The following ZNF827 variants were observed in gnomAD, a reference collection of about 807,000 sequenced individuals.
ZNF827 encodes zinc finger protein 827.
In ZNF827, 13 loss-of-function variants were observed where a neutral mutation model predicts 102.4. The observed-to-expected ratio is 0.13, with a 90% CI of 0.08 to 0.20. The LOEUF is 0.20. ZNF827 is among the 10% of genes least tolerant of loss of function. ZNF827 has a pLI of 1.00. For missense variants in ZNF827, 1,103 were observed against 1,344.4 expected (o/e 0.82, Z 2.81); for synonymous variants, 523 against 536.2 (o/e 0.98, Z 0.34).
intron 1 of ZNF827, among the ~76,000 whole-genome samples, chr4:145,918,792 A>G (rs779883549): frequency 6.6e-6 from 1 of 152,186 alleles, no homozygotes; most frequent in Non-Finnish European, 1.5e-5. Context: ...GGAGCTCTCC[A>G]TAAAGACAAG....
intron 7 of ZNF827, among the ~76,000 whole-genome samples, chr4:145,842,092 T>C (rs900446741): frequency 6.6e-6 from 1 of 152,210 alleles, no homozygotes; most frequent in Non-Finnish European, 1.5e-5. Flanking sequence ...CTTCTGTATA[T>C]GTTTGAAATT....
intron 5 of ZNF827, among the ~76,000 whole-genome samples, chr4:145,859,948 G>C (rs756637324): frequency 3.9e-5 from 6 of 152,194 alleles, no homozygotes; most frequent in Non-Finnish European, 8.8e-5. Context: ...CAAATGTAGT[G>C]GGATCTAGCA....
chr4:145,821,375 C>T (rs1359634896), intron 8 of ZNF827, among the ~76,000 whole-genome samples: 1 of 152,098 alleles, frequency 6.6e-6, no homozygotes, highest in African/African-American at 2.4e-5. Flanking sequence ...TAAAAGTCTC[C>T]ACACCGTTAA....
chr4:145,906,267 A>G (rs1751864409), intron 1 of ZNF827, among the ~76,000 whole-genome samples: 1 of 152,158 alleles, frequency 6.6e-6, no homozygotes, highest in Non-Finnish European at 1.5e-5. Context: ...CCCGCTTTCC[A>G]TTCCCCCATC....
At chr4:145,862,412 T>C (rs1453388112) in intron 5 of ZNF827, among the ~76,000 whole-genome samples, 1 of 152,252 alleles carries the variant, frequency 6.6e-6, no homozygotes, top group East Asian at 1.9e-4. Flanking sequence ...TGTTCCCTGT[T>C]TGTGTAACAT....
At chr4:145,856,457 A>G (rs1304819021) in intron 5 of ZNF827, among the ~76,000 whole-genome samples, 1 of 152,168 alleles carries the variant, frequency 6.6e-6, no homozygotes, top group East Asian at 1.9e-4. Context: ...GGGCTTGCCC[A>G]TGGGTGCTGC....
intron 1 of ZNF827, among the ~76,000 whole-genome samples, chr4:145,911,592 TATTC>T (rs1251121858): frequency 6.6e-6 from 1 of 152,186 alleles, no homozygotes; most frequent in Admixed American, 6.5e-5. Flanking sequence ...TATCAAAAAC[TATTC>T]ATTATACTTG....
intron 1 of ZNF827, among the ~76,000 whole-genome samples, chr4:145,916,100 G>C (rs1213580355): frequency 2.0e-5 from 3 of 152,210 alleles, no homozygotes; most frequent in African/African-American, 7.2e-5. Context: ...GTTCATCCAA[G>C]GGTTGGTCTT....
intron 1 of ZNF827, among the ~76,000 whole-genome samples, chr4:145,922,010 T>C (rs1196700476): frequency 2.6e-5 from 4 of 152,214 alleles, no homozygotes; most frequent in Admixed American, 2.0e-4. Flanking sequence ...CCAACAGATA[T>C]ACAGTATAAT....
At chr4:145,927,870 C>G (rs1753543890) in intron 1 of ZNF827, among the ~76,000 whole-genome samples, 1 of 152,212 alleles carries the variant, frequency 6.6e-6, no homozygotes, top group South Asian at 2.1e-4. Context: ...ATAATACAAA[C>G]AGAAGGTTTG....
chr4:145,906,820 C>T (rs893697851), intron 1 of ZNF827, among the ~76,000 whole-genome samples: 1 of 152,190 alleles, frequency 6.6e-6, no homozygotes, highest in Non-Finnish European at 1.5e-5. Context: ...ACCATCCATC[C>T]CTCTGTTGTT....
intron 3 of ZNF827, among the ~76,000 whole-genome samples, chr4:145,890,946 T>G (rs1242457334): frequency 6.6e-6 from 1 of 152,342 alleles, no homozygotes; most frequent in African/African-American, 2.4e-5. Flanking sequence ...CTAAAGTCAG[T>G]AGAGGTTCTA....
At chr4:145,868,486 C>A (rs150653823) in intron 5 of ZNF827, among the ~76,000 whole-genome samples, 1 of 152,284 alleles carries the variant, frequency 6.6e-6, no homozygotes, top group Non-Finnish European at 1.5e-5. Context: ...AACCCCATAG[C>A]ACATGTGCTC....
At chr4:145,920,642 G>A (rs987854455) in intron 1 of ZNF827, among the ~76,000 whole-genome samples, 1 of 152,220 alleles carries the variant, frequency 6.6e-6, no homozygotes, top group Non-Finnish European at 1.5e-5. Flanking sequence ...AAGACAGCAG[G>A]AGATGGTCTC....
intron 5 of ZNF827, among the ~76,000 whole-genome samples, chr4:145,867,357 G>A (rs1748302359): frequency 6.6e-6 from 1 of 152,182 alleles, no homozygotes; most frequent in African/African-American, 2.4e-5. Flanking sequence ...TGTCAATTTG[G>A]AAAACAATAT....
chr4:145,790,500 A>C (rs1739520553), intron 8 of ZNF827, among the ~76,000 whole-genome samples: 1 of 152,214 alleles, frequency 6.6e-6, no homozygotes, highest in South Asian at 2.1e-4. Flanking sequence ...TGTGCTATGC[A>C]TCACACCTAT....
intron 8 of ZNF827, among the ~76,000 whole-genome samples, chr4:145,810,338 A>G (rs933804670): frequency 6.6e-6 from 1 of 152,180 alleles, no homozygotes; most frequent in African/African-American, 2.4e-5. Context: ...GAGATTATTC[A>G]TTATGGCTCC....
intron 5 of ZNF827, among the ~76,000 whole-genome samples, chr4:145,856,985 G>GCATA (rs1553999802): frequency 7.1e-6 from 1 of 140,040 alleles, no homozygotes; most frequent in Non-Finnish European, 1.6e-5. Context: ...GCACGCGCAC[G>GCATA]CACACACACA....
chr4:145,889,528 C>T (rs1750413649), intron 3 of ZNF827, among the ~76,000 whole-genome samples: 1 of 148,766 alleles, frequency 6.7e-6, no homozygotes, highest in Admixed American at 6.7e-5. Context: ...AGTTTGAGAT[C>T]TTAATCTCTG....
Sources: gnomAD v4.1 joint callset for allele counts (sites outside exome capture counted in the v4.1 genomes callset) on GRCh38, gnomAD v4.1.1 for gene constraint, MANE v1.5 for transcripts, NCBI Gene and HGNC (gene_info 2026-07-23, HGNC 2026-07-21) for gene names.